Variants in ADCY9 observed in about 807,000 individuals in gnomAD.
The protein encoded by ADCY9 is adenylate cyclase type 9.
In ADCY9, 50 loss-of-function variants were observed where a neutral mutation model predicts 101.5. The ratio of observed to expected loss-of-function variants is 0.49; its 90% CI spans 0.39 to 0.62. The LOEUF is 0.62. ADCY9 is among the 20% of genes least tolerant of loss of function. The pLI is 0.00. For synonymous variants in ADCY9, 905 were observed against 769.3 expected, an observed-to-expected ratio of 1.18 and a Z score of -2.92; for missense variants, 1,662 against 1,800.4, an observed-to-expected ratio of 0.92 and a Z score of 1.39.
chr16:4,029,191 A>C (rs1597176637), intron 2 of ADCY9, among the ~76,000 whole-genome samples: 1 of 152,210 alleles, frequency 6.6e-6, no homozygotes, highest in East Asian at 1.9e-4. Flanking sequence ...AAAGTGAAAC[A>C]ATAGAGTATC....
At chr16:4,107,262 A>G (rs2141205845) in intron 2 of ADCY9, among the ~76,000 whole-genome samples, 1 of 152,300 alleles carries the variant, frequency 6.6e-6, no homozygotes. Flanking sequence ...TCAAGAATGC[A>G]GGTCAAGGCT....
intron 3 of ADCY9, among the ~76,000 whole-genome samples, chr16:3,998,441 T>C (rs139796690): frequency 1.1e-4 from 16 of 151,814 alleles, no homozygotes; most frequent in Middle Eastern, 3.4e-3. Flanking sequence ...CCAGGCGCAG[T>C]GGCTCATGCC....
intron 2 of ADCY9, among the ~76,000 whole-genome samples, chr16:4,068,427 A>G (rs2056813311): frequency 6.6e-6 from 1 of 152,170 alleles, no homozygotes; most frequent in African/African-American, 2.4e-5. Context: ...CAATGCATGT[A>G]TTATTATCTC....
rs2055961581 is a variant in ADCY9, at chr16:3,963,773, G to C, written c.*2002C>G. The C allele has an allele frequency of 6.0e-6, 1 of 165,964 alleles. No individual in the cohort carries two copies. Among genetic ancestry groups the C allele is most frequent in the Non-Finnish European group, 1.3e-5 (1 of 77,052 alleles). The allele number at this position is 165,964 out of a possible 1,614,324, so 10.3% of individuals were successfully genotyped here. On this transcript the variant is annotated 3_prime_UTR_variant, in exon 11 of 11. Transcript: ENST00000294016. ...ACATTCAAATATACACCTTAATACT[G>C]ATGCAGAAAGAGCTTCATGTGACCA... is the stretch of plus-strand genomic sequence containing the variant.
intron 7 of ADCY9, chr16:3,982,122 G>C (rs1243760983): frequency 6.5e-6 from 1 of 152,728 alleles, no homozygotes; most frequent in Non-Finnish European, 1.5e-5. Flanking sequence ...AGGGAGTTCT[G>C]GGAAACACTG....
chr16:4,000,493 T>C (rs768249452), intron 3 of ADCY9, among the ~76,000 whole-genome samples: 1 of 152,192 alleles, frequency 6.6e-6, no homozygotes, highest in Non-Finnish European at 1.5e-5. Context: ...GTATTTCTGC[T>C]AATGCAACAT....
chr16:4,084,871 G>T (rs1337858288), intron 2 of ADCY9, among the ~76,000 whole-genome samples: 1 of 152,110 alleles, frequency 6.6e-6, no homozygotes, highest in Non-Finnish European at 1.5e-5. Flanking sequence ...GACTTCTTAA[G>T]TAACTACTTA....
Position 3,992,052 on chromosome 16 carries a change from CAG to C in ADCY9, c.2207+92_2207+93del. On this transcript the variant is annotated intron_variant, in intron 5 of 10. Coordinates refer to ENST00000294016, the MANE Select transcript of ADCY9 (RefSeq NM_001116.4). The surrounding 1 kb of genome is among the most constrained non-coding windows in gnomAD (Gnocchi z 4.2). Reference sequence around the variant, plus strand: ...CGCCACTGCACTGCAGCCTGGATGACAGAGCGAGACTCAGTCTTAAAGAAAAG... The same window carrying C: ...CGCCACTGCACTGCAGCCTGGATGACAGCGAGACTCAGTCTTAAAGAAAAG... 7.8e-7 allele frequency: 1 copy of C among 1,285,956 alleles called. No homozygotes were observed. Among genetic ancestry groups the C allele is most frequent in the Non-Finnish European group, 1.1e-6 (1 of 920,518 alleles). 79.7% of individuals were successfully genotyped at this position (1,285,956 alleles called of 1,614,324 possible).
In ADCY9 at chr16:3,989,216, A is replaced by C. The variant is rs550935244; in HGVS notation, c.2208-120T>G. Reference sequence around the variant, plus strand: ...AGGTATATTACAACAGCTGCGTCTAAAAGCGCCTGTGGAACAGACGCCACT... The same window carrying C: ...AGGTATATTACAACAGCTGCGTCTACAAGCGCCTGTGGAACAGACGCCACT... On this transcript the variant is annotated intron_variant, in intron 5 of 10. Coordinates refer to ENST00000294016, the MANE Select transcript of ADCY9 (RefSeq NM_001116.4). 1.1e-5 allele frequency: 8 copies of C among 707,848 alleles called. No individual in the cohort carries two copies. In the South Asian group the frequency reaches 1.2e-4, roughly 11 times the overall value. 43.8% of individuals were successfully genotyped at this position (707,848 alleles called of 1,614,324 possible). A position where few individuals can be genotyped will look rare whatever the true frequency, so the allele number is the denominator to read the frequency against.
chr16:3,973,053 T>A (rs1389449695), intron 10 of ADCY9, among the ~76,000 whole-genome samples: 2 of 152,234 alleles, frequency 1.3e-5, no homozygotes, highest in South Asian at 2.1e-4. Context: ...AAATACCTAG[T>A]TGTACCTATA....
intron 2 of ADCY9, among the ~76,000 whole-genome samples, chr16:4,080,386 G>C (rs1433385419): frequency 6.6e-6 from 1 of 152,090 alleles, no homozygotes; most frequent in Non-Finnish European, 1.5e-5. Context: ...TGAGACTACA[G>C]GCGTGCGCCA....
chr16:4,031,171 A>G (rs1299690035), intron 2 of ADCY9, among the ~76,000 whole-genome samples: 1 of 152,226 alleles, frequency 6.6e-6, no homozygotes, highest in Admixed American at 6.5e-5. Context: ...TATATATTTT[A>G]TAAGAGTATT....
intron 3 of ADCY9, among the ~76,000 whole-genome samples, chr16:3,993,800 A>T (rs2056266436): frequency 6.6e-6 from 1 of 152,228 alleles, no homozygotes; most frequent in Admixed American, 6.5e-5. Context: ...GATATTACTC[A>T]GCCACGAAAA....
intron 2 of ADCY9, among the ~76,000 whole-genome samples, chr16:4,098,654 G>A (rs1207786466): frequency 6.6e-6 from 1 of 152,120 alleles, no homozygotes; most frequent in Non-Finnish European, 1.5e-5. Flanking sequence ...GAAAATTCCT[G>A]CTCTTAAGAT....
intron 2 of ADCY9, among the ~76,000 whole-genome samples, chr16:4,026,237 C>T (rs2056513850): frequency 6.6e-6 from 1 of 152,014 alleles, no homozygotes; most frequent in Non-Finnish European, 1.5e-5. Context: ...CCAGCGTAGG[C>T]AACATGGTGA....
chr16:3,988,055 A>G (rs1216393782), intron 6 of ADCY9, among the ~76,000 whole-genome samples: 1 of 151,896 alleles, frequency 6.6e-6, no homozygotes, highest in Non-Finnish European at 1.5e-5. Flanking sequence ...GGGCTGGAGG[A>G]GAGAGACGGG....
chr16:4,075,720 C>G (rs2056862676), intron 2 of ADCY9, among the ~76,000 whole-genome samples: 1 of 152,088 alleles, frequency 6.6e-6, no homozygotes. Context: ...AAAAAGAGAC[C>G]TGGCAAGGAA....
intron 2 of ADCY9, among the ~76,000 whole-genome samples, chr16:4,043,653 G>A (rs531531145): frequency 6.6e-6 from 1 of 152,208 alleles, no homozygotes; most frequent in East Asian, 1.9e-4. Context: ...TTCCGCCACT[G>A]CATTCCAACC....
chr16:3,970,805 GGA>G (rs950291652), intron 10 of ADCY9, among the ~76,000 whole-genome samples: 1 of 152,218 alleles, frequency 6.6e-6, no homozygotes, highest in African/African-American at 2.4e-5. Flanking sequence ...GGACCGCGGG[GGA>G]GTTTCAGAAT....
Sources: gnomAD v4.1 joint callset for allele counts (sites outside exome capture counted in the v4.1 genomes callset) on GRCh38, gnomAD v4.1.1 for gene constraint, Gnocchi (gnomAD v3.1) non-coding constraint, MANE v1.5 for transcripts, NCBI Gene and HGNC (gene_info 2026-07-23, HGNC 2026-07-21) for gene names.